VPS37A: variants seen among roughly 807,000 people sequenced by gnomAD.
VPS37A encodes the protein VPS37A subunit of ESCRT-I, also known as vacuolar protein sorting-associated protein 37A.
A neutral mutation model predicts 49.8 loss-of-function variants in VPS37A; 30 were observed. The observed-to-expected ratio is 0.60, with a 90% CI of 0.45 to 0.82. The LOEUF (loss-of-function observed/expected upper bound fraction) is 0.82. Ranked by LOEUF, VPS37A falls within the 40% of genes least tolerant of loss-of-function variation. The probability of loss-of-function intolerance (pLI) is 0.00; values close to 1 mark genes in which losing one functional copy is unlikely to be tolerated. For missense variants in VPS37A, 593 were observed against 464.4 expected, an observed-to-expected ratio of 1.28 and a Z score of -2.55; for synonymous variants, 195 against 160.6, an observed-to-expected ratio of 1.21 and a Z score of -1.62.
intron 4 of VPS37A, among the ~76,000 whole-genome samples, chr8:17,269,772 C>A (rs1813806537): frequency 6.6e-6 from 1 of 152,180 alleles, no homozygotes; most frequent in Admixed American, 6.5e-5. Context: ...CAGGCCATTT[C>A]CTAGTTTCTT....
chr8:17,269,272 A>G (rs1813761900), intron 4 of VPS37A, among the ~76,000 whole-genome samples: 1 of 152,146 alleles, frequency 6.6e-6, no homozygotes, highest in Admixed American at 6.5e-5. Flanking sequence ...TCACTGTCTC[A>G]GTGAAATTAT....
chr8:17,302,379 A>G, downstream of VPS37A: 5 of 1,325,600 alleles, frequency 3.8e-6, no homozygotes, highest in Non-Finnish European at 5.1e-6. Flanking sequence ...CAGTCTTAAT[A>G]ATAACCAAAT....
intron 1 of VPS37A, 128 bp from the exon 2 acceptor site, chr8:17,265,779 T>G (rs751338072): frequency 1.7e-5 from 26 of 1,548,006 alleles, no homozygotes; most frequent in Non-Finnish European, 2.3e-5. Context: ...AGATACAAGT[T>G]ATGCTGGCTA....
At chr8:17,279,816 G>A in intron 6 of VPS37A, 1 of 638,948 alleles carries the variant, frequency 1.6e-6, no homozygotes, top group South Asian at 1.5e-5. Flanking sequence ...TACTTTTACA[G>A]ATTCTGTCAA....
the VPS37A span, among the ~76,000 whole-genome samples, chr8:17,315,918 T>C: frequency 6.6e-6 from 1 of 152,148 alleles, no homozygotes; most frequent in African/African-American, 2.4e-5. Context: ...GAGGCTGAGT[T>C]GAGAGGATCA....
chr8:17,331,412 G>T, the VPS37A span: 1 of 925,060 alleles, frequency 1.1e-6, no homozygotes, highest in Admixed American at 3.3e-5. Flanking sequence ...ACGCTTATTT[G>T]AATCACTGCA....
intron 11 of VPS37A, among the ~76,000 whole-genome samples, chr8:17,292,269 A>G (rs1278537062): frequency 6.6e-6 from 1 of 152,086 alleles, no homozygotes; most frequent in Non-Finnish European, 1.5e-5. Context: ...ACTCTGTTTT[A>G]TCAGAGACCA....
intron 5 of VPS37A, among the ~76,000 whole-genome samples, chr8:17,275,498 C>G (rs74350966): frequency 0.014 from 2,191 of 152,192 alleles, 37 homozygotes; most frequent in Middle Eastern, 0.044. Context: ...TATAGTAGAT[C>G]TCTCTGGCTG....
At chr8:17,290,641 TTTG>T (rs1434805233) in intron 11 of VPS37A, among the ~76,000 whole-genome samples, 1 of 152,176 alleles carries the variant, frequency 6.6e-6, no homozygotes, top group Admixed American at 6.5e-5. Flanking sequence ...GAAATTTTCT[TTTG>T]TTGTTGTGTC....
chr8:17,248,333 C>G (rs979386171), intron 1 of VPS37A: 11 of 452,482 alleles, frequency 2.4e-5, no homozygotes, highest in African/African-American at 2.2e-4. Context: ...GGCGCGATCT[C>G]GGTTCACTGC....
chr8:17,285,095 C>G (rs1407194220), intron 10 of VPS37A, among the ~76,000 whole-genome samples: 3 of 151,982 alleles, frequency 2.0e-5, no homozygotes, highest in African/African-American at 7.3e-5. Flanking sequence ...ATTACTTTAG[C>G]ATACTCATGA....
At chr8:17,285,961 T>G (rs1163737496) in intron 10 of VPS37A, among the ~76,000 whole-genome samples, 1 of 152,218 alleles carries the variant, frequency 6.6e-6, no homozygotes, top group Non-Finnish European at 1.5e-5. Context: ...ATTAGCTATC[T>G]TCAACATTCA....
Position 17,274,922 on chromosome 8 carries a change from G to T in VPS37A, c.606G>T (p.Leu202=), listed in dbSNP as rs1814370834. ...CTTCATTTGGTGTCCTTTCAAATCT[G>T]CCATTACCCATTCCCACAGTGGATG... ...AAPSFGVLSN[L]PLPIPTVDAS... Residue 202 remains leucine (L), a synonymous_variant, in exon 5 of 12, where the codon CTG becomes CTT. Coordinates refer to ENST00000324849, the MANE Select transcript of VPS37A (RefSeq NM_152415.3). 1.2e-6 allele frequency: 2 copies of T among 1,613,944 alleles called. No individual in the cohort carries two copies. Among genetic ancestry groups the T allele is most frequent in the South Asian group, 1.1e-5 (1 of 91,090 alleles).
the VPS37A span, among the ~76,000 whole-genome samples, chr8:17,328,524 C>T: frequency 5.3e-5 from 8 of 151,680 alleles, no homozygotes; most frequent in Non-Finnish European, 8.8e-5. Flanking sequence ...AATGAGAACA[C>T]ATGGCCACAC....
chr8:17,307,691 G>C, the VPS37A span, among the ~76,000 whole-genome samples: 1 of 152,160 alleles, frequency 6.6e-6, no homozygotes. Flanking sequence ...ATACACCATG[G>C]AATATTATGC....
chr8:17,265,548 G>T (rs1302039481), intron 1 of VPS37A, among the ~76,000 whole-genome samples: 1 of 152,228 alleles, frequency 6.6e-6, no homozygotes, highest in Non-Finnish European at 1.5e-5. Context: ...AATAGTGGCA[G>T]TTAAAACCCA....
At chr8:17,262,009 C>A (rs1203629291) in intron 1 of VPS37A, among the ~76,000 whole-genome samples, 1 of 152,074 alleles carries the variant, frequency 6.6e-6, no homozygotes, top group Non-Finnish European at 1.5e-5. Context: ...GCCAGGGAAC[C>A]AAAAATGGTG....
At chr8:17,326,544 A>C in the VPS37A span, 1 of 152,244 alleles carries the variant, frequency 6.6e-6, no homozygotes, top group Non-Finnish European at 1.5e-5. Context: ...CTAGGTTAAA[A>C]TACTGCTTTG....
downstream of VPS37A, among the ~76,000 whole-genome samples, chr8:17,306,512 C>T (rs1425542743): frequency 1.3e-5 from 2 of 152,142 alleles, no homozygotes; most frequent in Non-Finnish European, 2.9e-5. Flanking sequence ...TCTTTTATCT[C>T]CCATTGCTTT....
Sources: gnomAD v4.1 joint callset for allele counts (sites outside exome capture counted in the v4.1 genomes callset) on GRCh38, gnomAD v4.1.1 for gene constraint, MANE v1.5 for transcripts, NCBI Gene and HGNC (gene_info 2026-07-23, HGNC 2026-07-21) for gene names.